The following TANC2 variants were observed in gnomAD, a reference collection of about 807,000 sequenced individuals.
TANC2 encodes protein TANC2.
Under a neutral mutation model 210.5 loss-of-function variants are expected in TANC2, and 26 were observed. The ratio of observed to expected loss-of-function variants is 0.12; its 90% CI spans 0.09 to 0.17. TANC2 has a LOEUF of 0.17. Among genes scored for constraint, TANC2 ranks in the 10% least tolerant of loss-of-function variants. TANC2 has a pLI of 1.00. For synonymous variants in TANC2, 931 were observed against 967.1 expected (o/e 0.96, Z 0.69); for missense variants, 2,129 against 2,608.9 (o/e 0.82, Z 4.01).
At chr17:62,968,960 C>T (rs77364385) in intron 1 of TANC2, among the ~76,000 whole-genome samples, 4,429 of 152,196 alleles carry the variant, frequency 0.029, 80 homozygotes, top group South Asian at 0.037. Flanking sequence ...GGTTCCAGGA[C>T]CCCCACATAT....
intron 4 of TANC2, among the ~76,000 whole-genome samples, chr17:63,123,969 G>T (rs554859887): frequency 7.2e-5 from 11 of 152,148 alleles, no homozygotes; most frequent in African/African-American, 2.4e-4. Flanking sequence ...CCAAAGTGCT[G>T]GGATCACAGG....
chr17:63,119,655 C>T (rs1263026727), intron 4 of TANC2, among the ~76,000 whole-genome samples: 4 of 152,112 alleles, frequency 2.6e-5, no homozygotes, highest in Admixed American at 2.6e-4. Context: ...ACTATCCTCA[C>T]ACATGTATGT....
chr17:63,393,465 C>T (rs1431969191), intron 17 of TANC2: 1 of 152,156 alleles, frequency 6.6e-6, no homozygotes, highest in Non-Finnish European at 1.5e-5. Flanking sequence ...GCCTCCAATA[C>T]GGAATAATGT....
chr17:63,090,652 G>A (rs561673495), intron 3 of TANC2, among the ~76,000 whole-genome samples: 1 of 152,266 alleles, frequency 6.6e-6, no homozygotes, highest in African/African-American at 2.4e-5. Context: ...ATTGTGAATA[G>A]TGCTGCAATA....
At position 63,050,420 on chromosome 17, in the gene TANC2, C is replaced by T. The variant is rs1321134683; in HGVS notation, c.68-23523C>T. Among the ~76,000 whole-genome samples, 5 of 150,118 alleles carry T rather than the reference C, an allele frequency of 3.3e-5. No individual in the cohort carries two copies. The East Asian group carries it at 7.8e-4, about 23-fold the overall frequency. Reference sequence around the variant, plus strand: ...GGGTAGGCAACTCCATAAATATGAACTTCATGGATGAGGTCCAGGTTAGAG... The same window carrying T: ...GGGTAGGCAACTCCATAAATATGAATTTCATGGATGAGGTCCAGGTTAGAG... On this transcript the variant is annotated intron_variant, in intron 2 of 27. Transcript: ENST00000689528.
chr17:63,174,446 T>C (rs755660706), intron 5 of TANC2, among the ~76,000 whole-genome samples: 4 of 152,264 alleles, frequency 2.6e-5, no homozygotes, highest in Non-Finnish European at 5.9e-5. Context: ...AGAAAGTTTC[T>C]GTATACATTT....
rs2032442347 is a variant in TANC2 at position 62,984,028 on chromosome 17, T to G, written c.-24+17279T>G. Among the ~76,000 whole-genome samples the G allele has an allele frequency of 2.6e-5, 4 of 152,166 alleles. No homozygotes were observed. In the South Asian group the frequency reaches 8.3e-4, roughly 31 times the overall value. On this transcript the variant is annotated intron_variant, in intron 1 of 27. Transcript: ENST00000689528. ...CCTCCACTTCAATTTTTGGAATAGT[T>G]TGAGAACTCTTAGTATTAATTATTC...
In TANC2 at chr17:62,966,475, G is replaced by T. The variant is rs1281891175; in HGVS notation, c.-298G>T. ...CGCTCACCTCCCGGCTGTGCCGCGC[G>T]CTAGGCGGAGCGAGGCGCCCGCCGC... On this transcript the variant is annotated 5_prime_UTR_variant, in exon 1 of 28. Coordinates refer to ENST00000689528, the Ensembl canonical transcript of TANC2. The surrounding 1 kb of genome is among the most constrained non-coding windows in gnomAD (Gnocchi z 5.1). Among the ~76,000 whole-genome samples, 2 of 148,522 alleles carry T rather than the reference G, an allele frequency of 1.3e-5. No homozygotes were observed. Among genetic ancestry groups the T allele is most frequent in the African/African-American group, 4.9e-5 (2 of 41,056 alleles).
At chr17:63,083,858 G>T (rs1289390386) in intron 3 of TANC2, among the ~76,000 whole-genome samples, 1 of 152,128 alleles carries the variant, frequency 6.6e-6, no homozygotes, top group Non-Finnish European at 1.5e-5. Flanking sequence ...GTCATGGTGT[G>T]TAATTCCTTT....
At chr17:63,063,033 A>T (rs2036051765) in intron 2 of TANC2, among the ~76,000 whole-genome samples, 1 of 152,322 alleles carries the variant, frequency 6.6e-6, no homozygotes, top group East Asian at 1.9e-4. Context: ...ACAAGGAAAA[A>T]AATTGGAGGT....
rs111922615 is a variant in TANC2 at position 63,418,675 on chromosome 17, G to T, written c.4268+268G>T. ...CAGCTTCTTCCAAGAAGCCTCTGCC[G>T]TATCTCAGGCATTTTTCAACCCCCA... is the stretch of plus-strand genomic sequence containing the variant. On this transcript the variant is annotated intron_variant, in intron 27 of 27. Transcript: ENST00000689528. The surrounding 1 kb of genome is among the most constrained non-coding windows in gnomAD (Gnocchi z 4.6). Among the ~76,000 whole-genome samples, 1 of 152,200 alleles carries T rather than the reference G, an allele frequency of 6.6e-6. No homozygotes were observed. Among genetic ancestry groups the T allele is most frequent in the Non-Finnish European group, 1.5e-5 (1 of 68,040 alleles).
intron 1 of TANC2, chr17:62,978,461 A>T (rs987665498): frequency 3.9e-5 from 6 of 152,156 alleles, no homozygotes; most frequent in African/African-American, 1.2e-4. Context: ...AAAAGTCTTT[A>T]TTCTGGGGTC....
intron 5 of TANC2, among the ~76,000 whole-genome samples, chr17:63,192,615 C>G (rs1385688705): frequency 1.3e-5 from 2 of 152,168 alleles, no homozygotes; most frequent in Non-Finnish European, 2.9e-5. Flanking sequence ...AGCTCAAGTT[C>G]TAATCCTGGC....
chr17:63,321,657 G>A (rs1467140309), intron 11 of TANC2, among the ~76,000 whole-genome samples: 2 of 152,290 alleles, frequency 1.3e-5, no homozygotes, highest in African/African-American at 4.8e-5. Flanking sequence ...TTGGAGCTGG[G>A]CAGGAAAAGA....
intron 1 of TANC2, among the ~76,000 whole-genome samples, chr17:62,991,050 C>T (rs898183036): frequency 6.6e-6 from 1 of 151,910 alleles, no homozygotes; most frequent in Non-Finnish European, 1.5e-5. Flanking sequence ...CTTTTTTTAA[C>T]AGTGTTCAGC....
intron 1 of TANC2, chr17:62,967,028 G>A (rs187271919): frequency 6.4e-4 from 98 of 152,448 alleles, no homozygotes; most frequent in African/African-American, 2.4e-3. Context: ...AGGATAAGAT[G>A]CGAGGCGGAT....
chr17:63,073,749 G>T (rs1388105865), intron 2 of TANC2, among the ~76,000 whole-genome samples, 194 bp from the exon 3 acceptor site: 1 of 152,072 alleles, frequency 6.6e-6, no homozygotes, highest in African/African-American at 2.4e-5. Context: ...TTCAAGAGGG[G>T]AGTGTAAACC....
intron 7 of TANC2, among the ~76,000 whole-genome samples, chr17:63,224,119 C>T (rs916841449): frequency 2.6e-5 from 4 of 152,070 alleles, no homozygotes; most frequent in African/African-American, 4.8e-5. Flanking sequence ...ATGTTAGCCT[C>T]TTTTTAAAAA....
intron 21 of TANC2, among the ~76,000 whole-genome samples, chr17:63,409,713 G>A (rs554039217): frequency 3.3e-5 from 5 of 152,222 alleles, no homozygotes; most frequent in Admixed American, 1.3e-4. Flanking sequence ...CCTGTACAGC[G>A]TATTAACTGC....
Sources: allele counts gnomAD v4.1 joint callset (sites outside exome capture counted in the v4.1 genomes callset), GRCh38; gene constraint gnomAD v4.1.1; non-coding constraint Gnocchi (gnomAD v3.1); transcripts MANE v1.5; gene names NCBI Gene and HGNC (gene_info 2026-07-23, HGNC 2026-07-21).